FNBP1: variants seen among roughly 807,000 people sequenced by gnomAD.
FNBP1 encodes formin binding protein 1.
In FNBP1, 26 loss-of-function variants were observed where a neutral mutation model predicts 90.6. That is an observed-to-expected ratio of 0.29 (90% CI 0.21 to 0.40). FNBP1 has a LOEUF of 0.40. Ranked by LOEUF, FNBP1 falls within the 10% of genes least tolerant of loss-of-function variation. The probability of loss-of-function intolerance (pLI) is 1.00; values close to 1 mark genes in which losing one functional copy is unlikely to be tolerated. For missense variants in FNBP1, 635 were observed against 768.0 expected, an observed-to-expected ratio of 0.83 and a Z score of 2.05; for synonymous variants, 260 against 265.2, an observed-to-expected ratio of 0.98 and a Z score of 0.19.
rs2044044441 is a variant in FNBP1 at position 129,939,710 on chromosome 9, T to C, written c.514-10015A>G. Among the ~76,000 whole-genome samples the C allele has an allele frequency of 2.0e-5, 3 of 152,186 alleles. No homozygotes were observed. The South Asian group carries it at 6.2e-4, about 32-fold the overall frequency. On this transcript the variant is annotated intron_variant, in intron 6 of 16. Coordinates refer to ENST00000446176, the MANE Select transcript of FNBP1 (RefSeq NM_015033.3). ...TCCAGGTTGTCTGGCAGAAACACTA[T>C]AAAACCTCACTGGGGGGATACTTCT...
chr9:130,048,314 C>CAAAAAAAAAAAAAAAAAAAAAAAAAA, the FNBP1 span, among the ~76,000 whole-genome samples: 1 of 50,722 alleles, frequency 2.0e-5, no homozygotes, highest in African/African-American at 8.3e-5. Flanking sequence ...GACTCCATCT[C>CAAAAAAAAAAAAAAAAAAAAAAAAAA]AAAAAAAAAA....
chr9:129,973,973 G>C (rs977542976), intron 4 of FNBP1, among the ~76,000 whole-genome samples: 5 of 151,810 alleles, frequency 3.3e-5, no homozygotes, highest in African/African-American at 1.2e-4. Context: ...ATCATGCCCA[G>C]CTAATTTTTT....
intron 6 of FNBP1, among the ~76,000 whole-genome samples, chr9:129,954,166 C>CT (rs1240829281): frequency 2.0e-5 from 3 of 151,992 alleles, no homozygotes; most frequent in African/African-American, 7.2e-5. Context: ...TTATGGGCAA[C>CT]TTTTTGCCAA....
chr9:130,006,575 C>T (rs890052288), intron 1 of FNBP1, among the ~76,000 whole-genome samples: 11 of 151,862 alleles, frequency 7.2e-5, no homozygotes, highest in African/African-American at 2.7e-4. Flanking sequence ...GAGGCTGAGG[C>T]AGGAGAATCG....
At chr9:129,989,401 G>A (rs573981488) in intron 2 of FNBP1, among the ~76,000 whole-genome samples, 10 of 152,132 alleles carry the variant, frequency 6.6e-5, no homozygotes, top group Middle Eastern at 3.4e-3. Flanking sequence ...CTCACAGGCC[G>A]GTGCAAACAC....
intron 4 of FNBP1, among the ~76,000 whole-genome samples, chr9:129,977,065 A>G (rs1375855721): frequency 1.3e-5 from 2 of 151,620 alleles, no homozygotes; most frequent in East Asian, 3.9e-4. Context: ...CTACTGAGGG[A>G]GGAGAATCGC....
At chr9:130,034,264 G>C (rs551095880) in intron 1 of FNBP1, among the ~76,000 whole-genome samples, 109 of 147,928 alleles carry the variant, frequency 7.4e-4, no homozygotes, top group Non-Finnish European at 1.4e-3. Flanking sequence ...AGTGAGCTGA[G>C]ATCACACCAC....
intron 1 of FNBP1, among the ~76,000 whole-genome samples, chr9:129,999,594 GTCTCAA>G (rs1675071142): frequency 1.3e-5 from 2 of 148,500 alleles, no homozygotes; most frequent in African/African-American, 5.0e-5. Flanking sequence ...GTGAGACTCT[GTCTCAA>G]AAAAAAAAAA....
At chr9:130,015,068 A>C (rs1031482168) in intron 1 of FNBP1, among the ~76,000 whole-genome samples, 1 of 152,172 alleles carries the variant, frequency 6.6e-6, no homozygotes, top group African/African-American at 2.4e-5. Flanking sequence ...AATACTGTCA[A>C]ATAAAATGTT....
chr9:129,902,225 C>T (rs2037090677), intron 13 of FNBP1, among the ~76,000 whole-genome samples: 1 of 152,024 alleles, frequency 6.6e-6, no homozygotes, highest in Non-Finnish European at 1.5e-5. Flanking sequence ...TTCTTTGATT[C>T]ACTGGGATAA....
chr9:129,913,223 A>C (rs1246416971), intron 11 of FNBP1, among the ~76,000 whole-genome samples: 1 of 152,106 alleles, frequency 6.6e-6, no homozygotes, highest in Non-Finnish European at 1.5e-5. Context: ...AAAAACAAAA[A>C]CAAAAAACTC....
At chr9:130,037,107 A>C (rs2059390266) in intron 1 of FNBP1, among the ~76,000 whole-genome samples, 2 of 151,612 alleles carry the variant, frequency 1.3e-5, no homozygotes, top group Non-Finnish European at 2.9e-5. Context: ...CTGTAATCCC[A>C]GCACTTTGGA....
rs548577015 is a variant in FNBP1, at chr9:130,040,130, A to G, written c.24+2822T>C. ...CACCAAGTCTCTGACCACCGGAGAA[A>G]CTGGGGTTTACTTTTCATAATCCTT... On this transcript the variant is annotated intron_variant, in intron 1 of 16. Transcript: ENST00000446176. 2.0e-5 allele frequency among the ~76,000 whole-genome samples: 3 copies of G among 152,306 alleles called. No homozygotes were observed. In the East Asian group the frequency reaches 5.8e-4, roughly 29 times the overall value.
chr9:129,903,542 G>T (rs753311961), intron 12 of FNBP1, among the ~76,000 whole-genome samples: 3 of 152,156 alleles, frequency 2.0e-5, no homozygotes, highest in East Asian at 3.9e-4. Context: ...TTCTCTAATG[G>T]TTATCTCCTT....
At chr9:130,053,575 C>T in the FNBP1 span, 1 of 307,282 alleles carries the variant, frequency 3.3e-6, no homozygotes, top group East Asian at 8.7e-5. Context: ...GTGCGGCTGA[C>T]ACAGCTTATC....
intron 1 of FNBP1, among the ~76,000 whole-genome samples, chr9:130,038,465 T>C (rs1447544682): frequency 2.1e-5 from 3 of 139,604 alleles, no homozygotes; most frequent in Admixed American, 7.3e-5. Flanking sequence ...TGGCGCCATC[T>C]CGGCTCACTG....
At chr9:130,023,469 G>A (rs918653053) in intron 1 of FNBP1, among the ~76,000 whole-genome samples, 11 of 152,170 alleles carry the variant, frequency 7.2e-5, no homozygotes, top group Non-Finnish European at 1.5e-4. Flanking sequence ...AGACTTCCCC[G>A]GCCAAGGGCA....
chr9:129,927,440 GA>G, intron 7 of FNBP1, 99 bp from the exon 8 acceptor site: 5 of 1,148,716 alleles, frequency 4.4e-6, no homozygotes, highest in Middle Eastern at 2.0e-4. Flanking sequence ...TCTCTTTGAG[GA>G]AAAAATGGGT....
chr9:129,973,031 G>T (rs867002518), intron 4 of FNBP1, among the ~76,000 whole-genome samples: 6 of 152,166 alleles, frequency 3.9e-5, no homozygotes, highest in South Asian at 2.1e-4. Flanking sequence ...AGATTCCTAA[G>T]TGTATGCTCA....
Sources: allele counts gnomAD v4.1 joint callset (sites outside exome capture counted in the v4.1 genomes callset), GRCh38; gene constraint gnomAD v4.1.1; transcripts MANE v1.5; gene names NCBI Gene and HGNC (gene_info 2026-07-23, HGNC 2026-07-21).